Variants in SUMF1 observed in about 807,000 individuals in gnomAD.
The protein encoded by SUMF1 is sulfatase modifying factor 1, also known as formylglycine-generating enzyme.
In SUMF1, 48 loss-of-function variants were observed where a neutral mutation model predicts 47.6. That is an observed-to-expected ratio of 1.01 (90% confidence interval 0.80 to 1.28). The LOEUF (loss-of-function observed/expected upper bound fraction) is 1.28, where lower values mean the gene tolerates loss of function less well. SUMF1 is among the 50% of genes most tolerant of loss of function. The probability of loss-of-function intolerance (pLI) is 0.00; values close to 1 mark genes in which losing one functional copy is unlikely to be tolerated. For missense variants in SUMF1, 571 were observed against 485.4 expected (o/e 1.18, Z -1.66); for synonymous variants, 230 against 192.1 (o/e 1.20, Z -1.63).
At chr3:4,059,102 G>T (rs1424822835) in intron 9 of SUMF1, among the ~76,000 whole-genome samples, 2 of 151,890 alleles carry the variant, frequency 1.3e-5, no homozygotes, top group Non-Finnish European at 2.9e-5. Context: ...AGCTTTCATG[G>T]GACAGATTTC....
At chr3:4,211,678 G>A (rs1695798464) in intron 8 of SUMF1, among the ~76,000 whole-genome samples, 1 of 151,990 alleles carries the variant, frequency 6.6e-6, no homozygotes, top group Non-Finnish European at 1.5e-5. Flanking sequence ...AAACTACAAG[G>A]TATTGGTACT....
rs565084787 is a variant in SUMF1, at chr3:4,169,415, T to G, written c.1015-100670A>C. 3.9e-5 allele frequency among the ~76,000 whole-genome samples: 6 copies of G among 152,126 alleles called. No homozygotes were observed. In the East Asian group the frequency reaches 9.7e-4, roughly 24 times the overall value. ...TTGGACACAAAGAGAAAAGACAATG[T>G]GAAGACACAGAGAAAAGGGGCCATG... On this transcript the variant is annotated intron_variant and NMD_transcript_variant, in intron 8 of 12. Transcript: ENST00000448413.
chr3:4,431,121 T>C (rs1201433309), intron 3 of SUMF1, among the ~76,000 whole-genome samples: 1 of 152,164 alleles, frequency 6.6e-6, no homozygotes, highest in Non-Finnish European at 1.5e-5. Context: ...TTATACCTGT[T>C]GATAGTGGGA....
chr3:4,445,755 C>T (rs1338930466), intron 3 of SUMF1, among the ~76,000 whole-genome samples: 1 of 152,100 alleles, frequency 6.6e-6, no homozygotes, highest in Non-Finnish European at 1.5e-5. Flanking sequence ...CACAGACACA[C>T]AAATGAATAA....
intron 1 of SUMF1, among the ~76,000 whole-genome samples, chr3:4,459,699 T>A (rs572903951): frequency 6.6e-6 from 1 of 152,322 alleles, no homozygotes; most frequent in East Asian, 1.9e-4. Flanking sequence ...GGCCACCTAG[T>A]CTCACTAGAT....
At chr3:4,244,242 A>T (rs975515961) in intron 8 of SUMF1, among the ~76,000 whole-genome samples, 1 of 152,200 alleles carries the variant, frequency 6.6e-6, no homozygotes, top group Non-Finnish European at 1.5e-5. Context: ...TAATTGGGGC[A>T]TTTAGCCCAT....
intron 8 of SUMF1, among the ~76,000 whole-genome samples, chr3:4,289,479 C>T (rs1697698023): frequency 6.6e-6 from 1 of 152,158 alleles, no homozygotes; most frequent in African/African-American, 2.4e-5. Flanking sequence ...TCTTACATTA[C>T]TACACTAGCA....
chr3:4,453,095 G>T (rs1427576246), intron 1 of SUMF1, 46 bp from the exon 2 acceptor site: 2 of 1,573,106 alleles, frequency 1.3e-6, no homozygotes, highest in South Asian at 1.1e-5. Context: ...CACAGCCAAG[G>T]TGTACCTGTG....
At position 4,172,124 on chromosome 3, in the gene SUMF1, C is replaced by T. The variant is rs149328627; in HGVS notation, c.1015-103379G>A. On this transcript the variant is annotated intron_variant and NMD_transcript_variant, in intron 8 of 12. Coordinates refer to the SUMF1 transcript ENST00000448413. ...AGCCAATGCAAGTAGGGGGATGGAACGAAAAATACTTAAATGAAATCTTGA... is the reference window on the plus strand; with the variant it reads ...AGCCAATGCAAGTAGGGGGATGGAATGAAAAATACTTAAATGAAATCTTGA... Among the ~76,000 whole-genome samples the T allele has an allele frequency of 1.6e-4, 25 of 152,022 alleles. No individual in the cohort carries two copies. In the East Asian group the frequency reaches 2.3e-3, roughly 14 times the overall value.
intron 7 of SUMF1, among the ~76,000 whole-genome samples, chr3:4,397,461 A>T (rs974085587): frequency 1.9e-4 from 29 of 152,224 alleles, no homozygotes; most frequent in Non-Finnish European, 7.3e-5. Context: ...GATCTATCAC[A>T]TTCTTTTATT....
intron 8 of SUMF1, among the ~76,000 whole-genome samples, chr3:4,117,782 G>C (rs1210458506): frequency 6.6e-6 from 1 of 152,118 alleles, no homozygotes; most frequent in East Asian, 1.9e-4. Context: ...CTGGTTTTCT[G>C]CTCTGTCTGA....
At chr3:4,172,967 T>C (rs1006854874) in intron 8 of SUMF1, among the ~76,000 whole-genome samples, 7 of 152,222 alleles carry the variant, frequency 4.6e-5, no homozygotes, top group African/African-American at 1.7e-4. Context: ...GGTTTTCTTC[T>C]ACGGTTTCTA....
intron 9 of SUMF1, among the ~76,000 whole-genome samples, chr3:4,049,302 A>C (rs1310583303): frequency 6.6e-6 from 1 of 152,138 alleles, no homozygotes; most frequent in Non-Finnish European, 1.5e-5. Flanking sequence ...CTTTTACTGG[A>C]GGTAATGCTG....
chr3:4,316,645 A>G (rs1357408799), intron 8 of SUMF1: 2 of 1,551,144 alleles, frequency 1.3e-6, no homozygotes, highest in East Asian at 2.4e-5. Context: ...CGCAACCACA[A>G]CGAACCATTT....
intron 8 of SUMF1, among the ~76,000 whole-genome samples, chr3:4,352,175 G>C (rs999946287): frequency 1.3e-5 from 2 of 152,114 alleles, no homozygotes; most frequent in Non-Finnish European, 2.9e-5. Flanking sequence ...ATACAGTAGA[G>C]AGAACGGAAG....
chr3:4,422,918 G>C (rs980980284), intron 3 of SUMF1, among the ~76,000 whole-genome samples: 1 of 151,464 alleles, frequency 6.6e-6, no homozygotes, highest in African/African-American at 2.4e-5. Context: ...AGTATACACT[G>C]AACCCAATTT....
intron 3 of SUMF1, among the ~76,000 whole-genome samples, chr3:4,437,828 A>G (rs1174441550): frequency 1.3e-5 from 2 of 152,162 alleles, no homozygotes; most frequent in Non-Finnish European, 2.9e-5. Context: ...AATTCTAGCT[A>G]CTTGGGAGAC....
chr3:4,185,333 G>T (rs541440968), intron 8 of SUMF1, among the ~76,000 whole-genome samples: 2 of 152,214 alleles, frequency 1.3e-5, no homozygotes, highest in South Asian at 2.1e-4. Context: ...TGGGTGAAAA[G>T]TGATTTTCCA....
At chr3:4,393,464 C>G (rs1700941543) in intron 7 of SUMF1, among the ~76,000 whole-genome samples, 1 of 152,136 alleles carries the variant, frequency 6.6e-6, no homozygotes, top group African/African-American at 2.4e-5. Flanking sequence ...TCCTGAATAG[C>G]TGGGACTACA....
Sources: gnomAD v4.1 joint callset for allele counts (sites outside exome capture counted in the v4.1 genomes callset) on GRCh38, gnomAD v4.1.1 for gene constraint, MANE v1.5 for transcripts, NCBI Gene and HGNC (gene_info 2026-07-23, HGNC 2026-07-21) for gene names.